Variants in SNTG1 observed in about 807,000 individuals in gnomAD.
The protein encoded by SNTG1 is syntrophin gamma 1.
Under a neutral mutation model 74.7 loss-of-function variants are expected in SNTG1, and 39 were observed. The observed-to-expected ratio is 0.52, with a 90% CI of 0.40 to 0.68. The LOEUF is 0.68. Ranked by LOEUF, SNTG1 falls within the 30% of genes least tolerant of loss-of-function variation. The probability of loss-of-function intolerance (pLI) is 0.00; values close to 1 mark genes in which losing one functional copy is unlikely to be tolerated. For synonymous variants in SNTG1, 254 were observed against 217.1 expected (o/e 1.17, Z -1.49); for missense variants, 685 against 609.5 (o/e 1.12, Z -1.30).
At chr8:50,551,503 CAATGGTT>C (rs1432711224) in intron 11 of SNTG1, among the ~76,000 whole-genome samples, 1 of 152,106 alleles carries the variant, frequency 6.6e-6, no homozygotes, top group Non-Finnish European at 1.5e-5. Flanking sequence ...GTACATGAAG[CAATGGTT>C]ATAACCAGAG....
intron 1 of SNTG1, among the ~76,000 whole-genome samples, chr8:50,060,401 A>G (rs1820370112): frequency 6.6e-6 from 1 of 151,998 alleles, no homozygotes; most frequent in Non-Finnish European, 1.5e-5. Context: ...TTTGTTGCTT[A>G]TGCTTCTTGA....
chr8:50,737,706 C>G (rs1261451592), intron 17 of SNTG1, among the ~76,000 whole-genome samples: 2 of 152,094 alleles, frequency 1.3e-5, no homozygotes, highest in African/African-American at 4.8e-5. Context: ...AAAAGCTTGT[C>G]CACCATGATC....
intron 1 of SNTG1, among the ~76,000 whole-genome samples, chr8:50,115,567 C>CAAAAAAAAAAAAAAAAA (rs11386539): frequency 7.4e-5 from 3 of 40,532 alleles, no homozygotes; most frequent in African/African-American, 2.0e-4. Context: ...GACTCTGTCT[C>CAAAAAAAAAAAAAAAAA]AAAAAAAAAA....
chr8:49,961,830 T>G (rs1810712163), intron 1 of SNTG1, among the ~76,000 whole-genome samples: 1 of 152,188 alleles, frequency 6.6e-6, no homozygotes, highest in Non-Finnish European at 1.5e-5. Context: ...GGACACAGAC[T>G]TGGGAGAATT....
chr8:50,719,843 T>G (rs943620729), intron 17 of SNTG1, among the ~76,000 whole-genome samples: 15 of 152,284 alleles, frequency 9.9e-5, no homozygotes, highest in Admixed American at 6.5e-4. Context: ...TTTAGAAAAA[T>G]TTTAATAGAA....
chr8:50,193,665 T>C (rs2083660743), intron 2 of SNTG1, among the ~76,000 whole-genome samples: 1 of 152,140 alleles, frequency 6.6e-6, no homozygotes, highest in Non-Finnish European at 1.5e-5. Context: ...CCTTTATTTC[T>C]TCCTTTTGTA....
intron 1 of SNTG1, among the ~76,000 whole-genome samples, chr8:50,054,609 A>G (rs1819869480): frequency 6.6e-6 from 1 of 152,098 alleles, no homozygotes; most frequent in South Asian, 2.1e-4. Context: ...AAGGTAAGGT[A>G]TACAATTTTT....
chr8:50,144,725 G>A (rs369641418), intron 1 of SNTG1, among the ~76,000 whole-genome samples: 20 of 152,104 alleles, frequency 1.3e-4, no homozygotes, highest in African/African-American at 4.8e-4. Context: ...CAGGAGGAGC[G>A]GCTGTAGATT....
At chr8:50,323,052 G>C (rs1215910387) in intron 2 of SNTG1, among the ~76,000 whole-genome samples, 1 of 150,926 alleles carries the variant, frequency 6.6e-6, no homozygotes, top group Non-Finnish European at 1.5e-5. Flanking sequence ...GGAAACGGAG[G>C]TTGCAAGATT....
chr8:49,912,662 A>G (rs1341693154), intron 1 of SNTG1, among the ~76,000 whole-genome samples: 2 of 152,232 alleles, frequency 1.3e-5, no homozygotes, highest in Non-Finnish European at 2.9e-5. Context: ...GTTATAATAT[A>G]CTAAACTATG....
intron 1 of SNTG1, among the ~76,000 whole-genome samples, chr8:50,147,526 A>C (rs2081913750): frequency 6.6e-6 from 1 of 152,214 alleles, no homozygotes; most frequent in African/African-American, 2.4e-5. Context: ...ACAAATAAGT[A>C]ATAAAATATA....
In SNTG1 at chr8:50,234,088, A is replaced by C. The variant is rs536661582; in HGVS notation, c.-28+61453A>C. ...GAGACATAAAAATTCATGCTTACAC[A>C]AGATCCATACACAATTATTCATACC... On this transcript the variant is annotated intron_variant, in intron 2 of 18. Coordinates refer to ENST00000642720, the MANE Select transcript of SNTG1 (RefSeq NM_018967.5). Among the ~76,000 whole-genome samples the C allele has an allele frequency of 3.9e-5, 6 of 152,048 alleles. No homozygotes were observed. In the South Asian group the frequency reaches 1.2e-3, roughly 32 times the overall value.
At chr8:50,542,281 G>A (rs973642169) in intron 11 of SNTG1, among the ~76,000 whole-genome samples, 69 of 150,630 alleles carry the variant, frequency 4.6e-4, no homozygotes, top group African/African-American at 1.6e-3. Context: ...TCAGTCTCCC[G>A]AGTAGCTGGG....
rs144496602 is a variant in SNTG1 at position 49,959,583 on chromosome 8, A to G, written c.-103+47352A>G. 3.9e-5 allele frequency among the ~76,000 whole-genome samples: 6 copies of G among 152,336 alleles called. No homozygotes were observed. The East Asian group carries it at 9.6e-4, about 24-fold the overall frequency. Reference sequence around the variant, plus strand: ...GCAACTGACATTTTTACTTGGGACAATGTTTTCAAGGTCCATCCATGTTGT... The same window carrying G: ...GCAACTGACATTTTTACTTGGGACAGTGTTTTCAAGGTCCATCCATGTTGT... On this transcript the variant is annotated intron_variant, in intron 1 of 18. Transcript: ENST00000642720.
chr8:50,180,277 G>A (rs1000336733), intron 2 of SNTG1, among the ~76,000 whole-genome samples: 1 of 152,118 alleles, frequency 6.6e-6, no homozygotes, highest in African/African-American at 2.4e-5. Context: ...AGGAGAGGGT[G>A]TGGAAATAAA....
chr8:50,656,802 A>G (rs2095184612), intron 13 of SNTG1, 107 bp from the exon 14 acceptor site: 1 of 763,530 alleles, frequency 1.3e-6, no homozygotes, highest in Non-Finnish European at 2.1e-6. Context: ...TTAATACTAC[A>G]TGAAAAATAC....
At chr8:50,526,566 C>T (rs1420436118) in intron 9 of SNTG1, among the ~76,000 whole-genome samples, 1 of 151,986 alleles carries the variant, frequency 6.6e-6, no homozygotes, top group Non-Finnish European at 1.5e-5. Flanking sequence ...GTTTCTATTC[C>T]ACCATCTTTC....
intron 13 of SNTG1, among the ~76,000 whole-genome samples, chr8:50,628,867 A>C (rs76050501): frequency 0.043 from 6,554 of 152,252 alleles, 245 homozygotes; most frequent in African/African-American, 0.095. Context: ...TAACACAGTT[A>C]CCTATCAACA....
chr8:50,340,852 T>G (rs2091295195), intron 2 of SNTG1, among the ~76,000 whole-genome samples: 1 of 151,946 alleles, frequency 6.6e-6, no homozygotes, highest in African/African-American at 2.4e-5. Context: ...CTCTAAAATG[T>G]AAAAAATACT....
Sources: allele counts gnomAD v4.1 joint callset (sites outside exome capture counted in the v4.1 genomes callset), GRCh38; gene constraint gnomAD v4.1.1; transcripts MANE v1.5; gene names NCBI Gene and HGNC (gene_info 2026-07-23, HGNC 2026-07-21).